The following LSM2 variants were observed in gnomAD, a reference collection of about 807,000 sequenced individuals.
LSM2 encodes the protein LSM2 homolog, U6 small nuclear RNA and mRNA degradation associated, also known as U6 snRNA-associated Sm-like protein LSm2.
Under a neutral mutation model 17.0 loss-of-function variants are expected in LSM2, and 12 were observed. The observed-to-expected ratio is 0.70, with a 90% CI of 0.45 to 1.14. LSM2 has a LOEUF of 1.14. Ranked by LOEUF, LSM2 falls within the 50% of genes most tolerant of loss-of-function variation. The pLI, the probability that LSM2 is intolerant of heterozygous loss-of-function variation, is 0.00. For missense variants in LSM2, 62 were observed against 111.8 expected (o/e 0.55, Z 2.01); for synonymous variants, 42 against 44.5 (o/e 0.94, Z 0.22).
At chr6:31,797,925 C>A in intron 4 of LSM2, 43 bp from the exon 5 acceptor site, 2 of 1,612,694 alleles carry the variant, frequency 1.2e-6, no homozygotes, top group Non-Finnish European at 1.7e-6. Context: ...TTAAAAATGT[C>A]CTCTAACCAC....
At chr6:31,800,363 G>A (rs757618935) in intron 2 of LSM2, among the ~76,000 whole-genome samples, 27 of 151,942 alleles carry the variant, frequency 1.8e-4, no homozygotes, top group Non-Finnish European at 2.5e-4. Flanking sequence ...AAAAATAATC[G>A]TAATAAATAG....
At chr6:31,804,245 C>CA (rs1300574721) in intron 2 of LSM2, among the ~76,000 whole-genome samples, 4 of 151,452 alleles carry the variant, frequency 2.6e-5, no homozygotes, top group Admixed American at 6.6e-5. Context: ...CTTGTAATCA[C>CA]AGCTACTAGG....
At chr6:31,802,058 G>T (rs997805180) in intron 2 of LSM2, among the ~76,000 whole-genome samples, 3 of 151,880 alleles carry the variant, frequency 2.0e-5, no homozygotes, top group Non-Finnish European at 4.4e-5. Context: ...GAGGCAGGTG[G>T]ATCACGAGGT....
chr6:31,806,419 C>G (rs1422549388), intron 1 of LSM2: 1 of 600,978 alleles, frequency 1.7e-6, no homozygotes, highest in Non-Finnish European at 2.9e-6. Context: ...CCACCTTTCT[C>G]GGGTACCTGC....
intron 2 of LSM2, 58 bp downstream of exon 2, chr6:31,806,017 A>G (rs1441461636): frequency 6.9e-7 from 1 of 1,455,208 alleles, no homozygotes; most frequent in African/African-American, 1.4e-5. Flanking sequence ...CAAATTAAAG[A>G]GGTTCCAGGG....
chr6:31,803,313 G>C (rs1294418511), intron 2 of LSM2, among the ~76,000 whole-genome samples: 1 of 152,144 alleles, frequency 6.6e-6, no homozygotes, highest in Non-Finnish European at 1.5e-5. Flanking sequence ...AGGACTGCTT[G>C]AGCCCAAGAG....
At position 31,797,853 on chromosome 6, in the gene LSM2, G is replaced by A; in HGVS notation, c.192C>T (p.Gly64=). ...GCAGCTGCACGTATCGGACCACTGA[G>A]CCCCGAATGAAGCAGTTCTTCACTG... The part of the protein sequence containing the change: ...MLSVKNCFIR[G]SVVRYVQLPA... The change falls in exon 5 of 5, where the codon GGC becomes GGT. Residue 64 remains glycine (G), a synonymous_variant. Transcript: ENST00000375661. The A allele has an allele frequency of 6.2e-7, 1 of 1,612,990 alleles. No individual in the cohort carries two copies. The highest frequency in any genetic ancestry group is 8.5e-7 in the Non-Finnish European group (1 of 1,180,024).
intron 1 of LSM2, 169 bp downstream of exon 1, chr6:31,806,586 T>A (rs1227591437): frequency 1.1e-6 from 1 of 904,702 alleles, no homozygotes; most frequent in Non-Finnish European, 1.8e-6. Flanking sequence ...GGAAAAAATA[T>A]CCCATTTGTT....
chr6:31,798,145 C>T, intron 3 of LSM2, 96 bp from the exon 4 acceptor site: 1 of 1,128,744 alleles, frequency 8.9e-7, no homozygotes, highest in Non-Finnish European at 1.2e-6. Context: ...GCAATGGTGC[C>T]ATCTCGGCTC....
intron 2 of LSM2, among the ~76,000 whole-genome samples, chr6:31,803,203 G>A (rs747882135): frequency 1.3e-5 from 2 of 152,140 alleles, no homozygotes; most frequent in Non-Finnish European, 2.9e-5. Context: ...CCCTGTCAAC[G>A]TGTAACCCAT....
intron 2 of LSM2, among the ~76,000 whole-genome samples, chr6:31,800,153 C>T (rs1436613967): frequency 6.6e-6 from 1 of 150,746 alleles, no homozygotes; most frequent in African/African-American, 2.4e-5. Flanking sequence ...TGGCCAACAT[C>T]GTGAAACCCC....
Position 31,797,646 on chromosome 6 carries a change from C to G in LSM2, c.*111G>C. 1 of 1,509,862 alleles carries G rather than the reference C, an allele frequency of 6.6e-7. No homozygotes were observed. The highest frequency in any genetic ancestry group is 2.3e-5 in the East Asian group (1 of 44,220). 93.5% of individuals were successfully genotyped at this position (1,509,862 alleles called of 1,614,324 possible). ...CCTTAAAAAAAACCCACAAAACCAT[C>G]ATTAGTAAAAAAACAAAACCCCTTC... is the stretch of plus-strand genomic sequence containing the variant. On this transcript the variant is annotated 3_prime_UTR_variant, in exon 5 of 5. Transcript: ENST00000375661.
chr6:31,806,377 CGTCGGCCTCCCCACTGTGCTCTCTCA>C lies in LSM2; in HGVS notation c.4-261_4-236del, dbSNP rs535913019. ...TCCCAGAGAGACTCTGCCCTGCATACGTCGGCCTCCCCACTGTGCTCTCTCAGTCGACCACCTTTCTCGGGTACCTG... is the reference window on the plus strand; with the variant it reads ...TCCCAGAGAGACTCTGCCCTGCATACGTCGACCACCTTTCTCGGGTACCTG... On this transcript the variant is annotated intron_variant, in intron 1 of 4. Coordinates refer to ENST00000375661, the MANE Select transcript of LSM2 (RefSeq NM_021177.5). 3.5e-4 allele frequency: 212 copies of C among 602,414 alleles called. No individual in the cohort carries two copies. In the East Asian group the frequency reaches 5.5e-3, roughly 16 times the overall value. The allele number at this position is 602,414 out of a possible 1,614,324, so 37.3% of individuals were successfully genotyped here.
At chr6:31,800,985 GA>G (rs1366960334) in intron 2 of LSM2, among the ~76,000 whole-genome samples, 361 of 148,880 alleles carry the variant, frequency 2.4e-3, no homozygotes, top group African/African-American at 8.6e-3. Flanking sequence ...AACCCAGGAG[GA>G]AAAAAAAAAT....
At chr6:31,798,363 T>G in intron 3 of LSM2, 114 bp downstream of exon 3, 1 of 1,297,896 alleles carries the variant, frequency 7.7e-7, no homozygotes, top group Admixed American at 1.9e-5. Context: ...TGAGCCACCG[T>G]GCCTGGCCGA....
In LSM2 at chr6:31,797,633, C is replaced by A. The variant is rs999220113; in HGVS notation, c.*124G>T. The A allele has an allele frequency of 6.5e-5, 93 of 1,426,924 alleles. No individual in the cohort carries two copies. The highest frequency in any genetic ancestry group is 7.9e-5 in the Non-Finnish European group (83 of 1,045,754). The allele number at this position is 1,426,924 out of a possible 1,614,324, so 88.4% of individuals were successfully genotyped here. ...TCATCCACTCATCCCTTAAAAAAAA[C>A]CCACAAAACCATCATTAGTAAAAAA... On this transcript the variant is annotated 3_prime_UTR_variant, in exon 5 of 5. Transcript: ENST00000375661.
intron 2 of LSM2, among the ~76,000 whole-genome samples, chr6:31,804,359 C>CA (rs1169315674): frequency 0.017 from 1,472 of 84,236 alleles, 24 homozygotes; most frequent in African/African-American, 0.051. Context: ...AACTCCATCT[C>CA]AAAAAAAAAA....
chr6:31,805,553 C>A (rs1364457758), intron 2 of LSM2, among the ~76,000 whole-genome samples: 2 of 151,842 alleles, frequency 1.3e-5, no homozygotes, highest in East Asian at 1.9e-4. Flanking sequence ...TTAGTAGAGA[C>A]AGGGTTTCAC....
At chr6:31,801,731 G>A (rs1814716893) in intron 2 of LSM2, among the ~76,000 whole-genome samples, 2 of 152,198 alleles carry the variant, frequency 1.3e-5, no homozygotes. Flanking sequence ...AGGAGGCAGA[G>A]GTTGCAGTGA....
Sources: gnomAD v4.1 joint callset for allele counts (sites outside exome capture counted in the v4.1 genomes callset) on GRCh38, gnomAD v4.1.1 for gene constraint, MANE v1.5 for transcripts, NCBI Gene and HGNC (gene_info 2026-07-23, HGNC 2026-07-21) for gene names.